The following QPCT variants were observed in gnomAD, a reference collection of about 807,000 sequenced individuals.
The protein encoded by QPCT is glutaminyl-peptide cyclotransferase.
In QPCT, 44 loss-of-function variants were observed where a neutral mutation model predicts 43.4. That is an observed-to-expected ratio of 1.01 (90% confidence interval 0.80 to 1.30). The LOEUF is 1.30. Ranked by LOEUF, QPCT falls within the 50% of genes most tolerant of loss-of-function variation. QPCT has a pLI of 0.00. For synonymous variants in QPCT, 168 were observed against 168.4 expected (o/e 1.00, Z 0.02); for missense variants, 526 against 436.5 (o/e 1.21, Z -1.83).
In QPCT at chr2:37,347,151, T is replaced by TATATATATATAACATATATATATATAAC. The variant is rs1279004039; in HGVS notation, c.120+2311_120+2312insACATATATATATATAACATATATATATA. ...ATCTGGGTATGGGGTGTTTTATATA[T>TATATATATATAACATATATATATATAAC]ATATATATATATAACATATATATAT... On this transcript the variant is annotated intron_variant, in intron 1 of 6. Transcript: ENST00000338415. Among the ~76,000 whole-genome samples, 9 of 61,356 alleles carry TATATATATATAACATATATATATATAAC rather than the reference T, an allele frequency of 1.5e-4. 1 individual carries two copies. The highest frequency in any genetic ancestry group is 1.0e-3 in the South Asian group (2 of 1,954). The allele number at this position is 61,356 out of a possible 152,430, so 40.3% of individuals were successfully genotyped here.
chr2:37,352,717 A>C, intron 1 of QPCT, 72 bp from the exon 2 acceptor site: 2 of 1,532,528 alleles, frequency 1.3e-6, no homozygotes, highest in Non-Finnish European at 1.8e-6. Context: ...TAAGCAATTA[A>C]TTGAAAACAT....
chr2:37,348,121 C>T lies in QPCT; in HGVS notation c.120+3270C>T, dbSNP rs114777399. ...TGTTGTTGCATTCTAATGGAAGCAACGACGGAGACTCTCAGGCAGTGACGT... is the reference window on the plus strand; with the variant it reads ...TGTTGTTGCATTCTAATGGAAGCAATGACGGAGACTCTCAGGCAGTGACGT... On this transcript the variant is annotated intron_variant, in intron 1 of 6. Transcript: ENST00000338415. Among the ~76,000 whole-genome samples the T allele has an allele frequency of 4.9e-3, 742 of 151,702 alleles. 7 individuals are homozygous for T. Among genetic ancestry groups the T allele is most frequent in the African/African-American group, 0.016 (675 of 41,340 alleles).
chr2:37,372,588 T>C lies in QPCT; in HGVS notation c.941-94T>C, dbSNP rs1211495508. On this transcript the variant is annotated intron_variant, in intron 6 of 6. Coordinates refer to ENST00000338415, the MANE Select transcript of QPCT (RefSeq NM_012413.4). Reference sequence around the variant, plus strand: ...GATGATGAATTATCAGCTGTCTTTATGTGGTACAGAGCTCCCTCTGCTTGA... The same window carrying C: ...GATGATGAATTATCAGCTGTCTTTACGTGGTACAGAGCTCCCTCTGCTTGA... 1.2e-5 allele frequency: 18 copies of C among 1,487,900 alleles called. No homozygotes were observed. The East Asian group carries it at 3.4e-4, about 28-fold the overall frequency. 92.2% of individuals were successfully genotyped at this position (1,487,900 alleles called of 1,614,324 possible).
intron 1 of QPCT, among the ~76,000 whole-genome samples, chr2:37,349,306 C>T (rs1370409337): frequency 6.6e-6 from 1 of 152,192 alleles, no homozygotes; most frequent in Non-Finnish European, 1.5e-5. Flanking sequence ...TCATAAGCAT[C>T]AATAGGCCTG....
At chr2:37,371,578 T>G (rs182783591) in intron 5 of QPCT, among the ~76,000 whole-genome samples, 6 of 151,916 alleles carry the variant, frequency 3.9e-5, no homozygotes, top group Non-Finnish European at 8.8e-5. Flanking sequence ...TGATTACTAG[T>G]TGGTTTAGTT....
chr2:37,362,651 A>G (rs1213214640), intron 3 of QPCT, among the ~76,000 whole-genome samples: 1 of 152,220 alleles, frequency 6.6e-6, no homozygotes, highest in Admixed American at 6.5e-5. Context: ...GAACCACAAT[A>G]TGAAGACAGA....
chr2:37,345,503 C>T (rs1192323167), intron 1 of QPCT, among the ~76,000 whole-genome samples: 4 of 152,226 alleles, frequency 2.6e-5, no homozygotes, highest in East Asian at 1.9e-4. Flanking sequence ...ATATAAGGAA[C>T]TTAGGATAAA....
intron 3 of QPCT, among the ~76,000 whole-genome samples, chr2:37,361,948 A>G (rs1394862369): frequency 6.6e-6 from 1 of 152,222 alleles, no homozygotes; most frequent in Non-Finnish European, 1.5e-5. Context: ...AGGCTGAGTT[A>G]CTAGTAACGA....
chr2:37,372,763 A>C lies in QPCT; in HGVS notation c.1022A>C (p.Glu341Ala). The change falls in exon 7 of 7, where the codon GAA becomes GCA. Residue 341 changes from glutamate (E) to alanine (A), a missense_variant. Transcript: ENST00000338415. ...GATGACAATGAAGAAAATTTGGATGAATCAACCATTGACAATCTAAACAAA... is the reference window on the plus strand; with the variant it reads ...GATGACAATGAAGAAAATTTGGATGCATCAACCATTGACAATCTAAACAAA... ...TMDDNEENLD[E>A]STIDNLNKIL... 1 of 1,613,356 alleles carries C rather than the reference A, an allele frequency of 6.2e-7. No homozygotes were observed. Among genetic ancestry groups the C allele is most frequent in the Non-Finnish European group, 8.5e-7 (1 of 1,179,380 alleles).
chr2:37,363,573 A>G (rs1672897283), intron 3 of QPCT, among the ~76,000 whole-genome samples: 1 of 151,268 alleles, frequency 6.6e-6, no homozygotes, highest in Non-Finnish European at 1.5e-5. Flanking sequence ...CAAGGCTGCA[A>G]TGCACTATAA....
intron 1 of QPCT, among the ~76,000 whole-genome samples, chr2:37,352,524 G>A (rs1490029748): frequency 1.3e-5 from 2 of 152,072 alleles, no homozygotes; most frequent in Non-Finnish European, 2.9e-5. Context: ...TAGAGATAAG[G>A]TCTCATTATG....
chr2:37,367,374 C>G lies in QPCT; in HGVS notation c.689C>G (p.Pro230Arg), dbSNP rs760198160. ...AAGATGGCATCGACCCCGCACCCAC[C>G]TGGAGCGAGAGGCACCAGCCAACTG... is the stretch of plus-strand genomic sequence containing the variant. ...AAKMASTPHP[P>R]GARGTSQLHG... The change falls in exon 4 of 7, where the codon CCT (proline) becomes CGT (arginine). Residue 230 changes from proline to arginine, a missense_variant. Transcript: ENST00000338415. 3.7e-6 allele frequency: 6 copies of G among 1,613,904 alleles called. No homozygotes were observed. The highest frequency in any genetic ancestry group is 1.7e-5 in the Admixed American group (1 of 60,014).
rs150652288 is a variant in QPCT, at chr2:37,367,441, T to C, written c.723+33T>C. 26 of 1,588,324 alleles carry C rather than the reference T, an allele frequency of 1.6e-5. No homozygotes were observed. The African/African-American group carries it at 3.3e-4, about 20-fold the overall frequency. On this transcript the variant is annotated intron_variant, in intron 4 of 6. Transcript: ENST00000338415. ...TGGGCAATTTCCCTAGCACTGTAGC[T>C]GTAGGCTCCGCTTCCAAGGAAAAGG...
chr2:37,347,779 C>T, intron 1 of QPCT, among the ~76,000 whole-genome samples: 1 of 152,148 alleles, frequency 6.6e-6, no homozygotes, highest in Non-Finnish European at 1.5e-5. Context: ...AGCTATTAAA[C>T]AGAATCTCAT....
chr2:37,353,612 C>T (rs996953095), intron 2 of QPCT, among the ~76,000 whole-genome samples: 4 of 152,108 alleles, frequency 2.6e-5, no homozygotes, highest in Non-Finnish European at 5.9e-5. Flanking sequence ...TTGATTTTAC[C>T]ACTGTTGTGG....
At chr2:37,363,500 A>G (rs1231086699) in intron 3 of QPCT, among the ~76,000 whole-genome samples, 1 of 150,778 alleles carries the variant, frequency 6.6e-6, no homozygotes, top group African/African-American at 2.4e-5. Context: ...TTATGGTGGT[A>G]CACACCTGTA....
intron 3 of QPCT, among the ~76,000 whole-genome samples, chr2:37,362,256 C>T (rs542931769): frequency 4.6e-5 from 7 of 152,268 alleles, no homozygotes; most frequent in Admixed American, 3.3e-4. Context: ...TCTTGTTCTG[C>T]GATTATGTTG....
chr2:37,347,248 CAT>C (rs1166067775), intron 1 of QPCT, among the ~76,000 whole-genome samples: 1 of 109,300 alleles, frequency 9.1e-6, no homozygotes. Context: ...ATATATATAA[CAT>C]ATATATATAT....
intron 5 of QPCT, among the ~76,000 whole-genome samples, chr2:37,371,626 A>G (rs550349661): frequency 6.6e-6 from 1 of 152,050 alleles, no homozygotes; most frequent in African/African-American, 2.4e-5. Flanking sequence ...AGGAAGTTTC[A>G]TTTGGTTGTC....
Sources: gnomAD v4.1 joint callset for allele counts (sites outside exome capture counted in the v4.1 genomes callset) on GRCh38, gnomAD v4.1.1 for gene constraint, MANE v1.5 for transcripts, NCBI Gene and HGNC (gene_info 2026-07-23, HGNC 2026-07-21) for gene names.